The following CHM variants were observed in gnomAD, a reference collection of about 807,000 sequenced individuals.
CHM encodes rab proteins geranylgeranyltransferase component A 1.
Under a neutral mutation model 49.0 loss-of-function variants are expected in CHM, and 10 were observed. The observed-to-expected ratio is 0.20, with a 90% CI of 0.13 to 0.35. CHM has a LOEUF of 0.35. CHM is among the 10% of genes least tolerant of loss of function. The pLI, the probability that CHM is intolerant of heterozygous loss-of-function variation, is 1.00. For missense variants in CHM, 455 were observed against 478.4 expected (o/e 0.95, Z 0.46); for synonymous variants, 184 against 167.5 (o/e 1.10, Z -0.76).
At chrX:85,914,190 A>C (rs1927313148) in intron 8 of CHM, among the ~76,000 whole-genome samples, 1 of 110,887 alleles carries the variant, frequency 9.0e-6, no homozygotes, top group Admixed American at 9.6e-5. Context: ...GGAGCCCAGA[A>C]GGTTTGGCAC....
intron 2 of CHM, 85 bp from the exon 3 acceptor site, chrX:85,981,894 C>G (rs943674962): frequency 1.4e-6 from 1 of 734,050 alleles, no homozygotes; most frequent in African/African-American, 2.2e-5. Context: ...CCATCTTTAA[C>G]CCTTAAACTT....
At chrX:85,924,900 A>G (rs1927997920) in intron 8 of CHM, among the ~76,000 whole-genome samples, 1 of 111,781 alleles carries the variant, frequency 8.9e-6, no homozygotes, top group Admixed American at 9.5e-5. Flanking sequence ...ACTTGCTCCC[A>G]AAAAGTGCCT....
intron 8 of CHM, among the ~76,000 whole-genome samples, chrX:85,948,090 T>A (rs1307051546): frequency 9.0e-6 from 1 of 111,188 alleles, no homozygotes; most frequent in African/African-American, 3.3e-5. Context: ...AAAAAAAAAA[T>A]GTGAAGTTTG....
At chrX:86,006,899 G>GA (rs1165699499) in intron 2 of CHM, among the ~76,000 whole-genome samples, 1 of 111,541 alleles carries the variant, frequency 9.0e-6, no homozygotes, top group Non-Finnish European at 1.9e-5. Context: ...CACAGAATTG[G>GA]AAAAAAGTAC....
chrX:85,909,189 T>C (rs886847673), intron 9 of CHM, among the ~76,000 whole-genome samples: 29 of 111,692 alleles, frequency 2.6e-4, no homozygotes, highest in Non-Finnish European at 9.4e-5. Flanking sequence ...AAACAAGACA[T>C]GTCTTTCTAT....
At chrX:85,931,072 A>G (rs1044614815) in intron 8 of CHM, among the ~76,000 whole-genome samples, 14 of 111,646 alleles carry the variant, frequency 1.3e-4, no homozygotes, top group African/African-American at 4.6e-4. Context: ...GGATGGTCAA[A>G]GTAAAGACAA....
intron 2 of CHM, among the ~76,000 whole-genome samples, chrX:86,008,365 A>G (rs1932918272): frequency 9.0e-6 from 1 of 110,808 alleles, no homozygotes; most frequent in Non-Finnish European, 1.9e-5. Context: ...TATGTATCAA[A>G]CCTGCACGTT....
chrX:85,911,321 C>T lies in CHM; in HGVS notation c.1184G>A (p.Gly395Asp), dbSNP rs374389326. Residue 395 changes from glycine (G) to aspartate (D), a missense_variant, in exon 9 of 15, where the codon GGT becomes GAT. Coordinates refer to ENST00000357749, the MANE Select transcript of CHM (RefSeq NM_000390.4). ...TGAATGGCGAAGACAATAAATTCCA[C>T]CAAACACAGCACACATCCTAGAAAG... ...QCFCRMCAVF[G>D]GIYCLRHSVQ... 6 of 1,035,141 alleles carry T rather than the reference C, an allele frequency of 5.8e-6. No individual in the cohort carries two copies. Among genetic ancestry groups the T allele is most frequent in the Non-Finnish European group, 7.6e-6 (6 of 785,001 alleles). The allele number at this position is 1,035,141 out of a possible 1,213,427, so 85.3% of individuals were successfully genotyped here. A position where few individuals can be genotyped will look rare whatever the true frequency, so the allele number is the denominator to read the frequency against.
rs779423823 is a variant in CHM, at chrX:85,939,573, G to A, written c.1166+16580C>T. Among the ~76,000 whole-genome samples the A allele has an allele frequency of 1.2e-4, 14 of 112,528 alleles. No homozygotes were observed. The South Asian group carries it at 1.8e-3, about 15-fold the overall frequency. On this transcript the variant is annotated intron_variant, in intron 8 of 14. Coordinates refer to ENST00000357749, the MANE Select transcript of CHM (RefSeq NM_000390.4). ...AGTTACCTGTACAAGCATGTAAAAT[G>A]TAGGAAGACATGCAACCAACTTAAC...
chrX:85,962,487 A>G (rs1435722983), intron 5 of CHM, among the ~76,000 whole-genome samples: 2 of 112,290 alleles, frequency 1.8e-5, no homozygotes, highest in African/African-American at 6.5e-5. Context: ...GTTCAAAGGG[A>G]GCAAGAGTAT....
intron 12 of CHM, among the ~76,000 whole-genome samples, chrX:85,880,448 C>T (rs1220935477): frequency 9.0e-6 from 1 of 111,430 alleles, no homozygotes; most frequent in Non-Finnish European, 1.9e-5. Context: ...TATCCTGTCT[C>T]TTATTTCAAA....
intron 5 of CHM, among the ~76,000 whole-genome samples, chrX:85,959,682 A>T (rs1319768795): frequency 8.9e-6 from 1 of 111,863 alleles, no homozygotes; most frequent in Non-Finnish European, 1.9e-5. Flanking sequence ...TCTCATAAGT[A>T]ATATCAGAGA....
intron 14 of CHM, among the ~76,000 whole-genome samples, chrX:85,872,324 TTC>T (rs1924126519): frequency 1.8e-5 from 2 of 112,243 alleles, no homozygotes; most frequent in South Asian, 3.7e-4. Flanking sequence ...AAAAAATATT[TTC>T]TGTTTGTTTT....
rs924719936 is a variant in CHM, at chrX:85,961,991, G to A, written c.702+1674C>T. Among the ~76,000 whole-genome samples the A allele has an allele frequency of 1.2e-4, 13 of 111,780 alleles. No individual in the cohort carries two copies. In the East Asian group the frequency reaches 1.4e-3, roughly 12 times the overall value. On this transcript the variant is annotated intron_variant, in intron 5 of 14. Transcript: ENST00000357749. ...CAATTCCTACAATTGAAACAGCACC[G>A]TCTTCTACCATTTCCCTTTGCAAGA...
chrX:85,879,125 G>T, intron 12 of CHM, 62 bp from the exon 13 acceptor site: 2 of 793,437 alleles, frequency 2.5e-6, no homozygotes, highest in Non-Finnish European at 3.7e-6. Context: ...TATACTTAAG[G>T]CATTAAGCTG....
At chrX:85,942,362 T>A (rs1929161294) in intron 8 of CHM, among the ~76,000 whole-genome samples, 1 of 104,013 alleles carries the variant, frequency 9.6e-6, no homozygotes, top group African/African-American at 3.5e-5. Flanking sequence ...TCTTAAGGAA[T>A]GTTTATCTGA....
intron 9 of CHM, among the ~76,000 whole-genome samples, chrX:85,905,273 T>C (rs781454534): frequency 8.1e-5 from 9 of 111,198 alleles, no homozygotes; most frequent in Non-Finnish European, 1.5e-4. Flanking sequence ...TTCCTGAAAC[T>C]AGCCTCTTCT....
intron 4 of CHM, chrX:85,969,300 A>G: frequency 1.4e-6 from 1 of 738,280 alleles, no homozygotes; most frequent in Non-Finnish European, 1.6e-6. Context: ...TAAAGAAACT[A>G]GATGACTTTA....
chrX:85,893,811 T>A (rs1925636584), intron 12 of CHM, among the ~76,000 whole-genome samples: 1 of 111,328 alleles, frequency 9.0e-6, no homozygotes, highest in Non-Finnish European at 1.9e-5. Flanking sequence ...TTGTTTATTA[T>A]AAGTTACCCA....
Sources: allele counts gnomAD v4.1 joint callset (sites outside exome capture counted in the v4.1 genomes callset), GRCh38; gene constraint gnomAD v4.1.1; transcripts MANE v1.5; gene names NCBI Gene and HGNC (gene_info 2026-07-23, HGNC 2026-07-21).